The following MED27 variants were observed in gnomAD, a reference collection of about 807,000 sequenced individuals.
MED27 encodes the protein mediator of RNA polymerase II transcription subunit 27.
Under a neutral mutation model 38.2 loss-of-function variants are expected in MED27, and 30 were observed. That is an observed-to-expected ratio of 0.79 (90% CI 0.59 to 1.07). The LOEUF (loss-of-function observed/expected upper bound fraction) is 1.07. Ranked by LOEUF, MED27 falls within the 50% of genes least tolerant of loss-of-function variation. The probability of loss-of-function intolerance (pLI) is 0.00; values close to 1 mark genes in which losing one functional copy is unlikely to be tolerated. For synonymous variants in MED27, 122 were observed against 153.5 expected, an observed-to-expected ratio of 0.79 and a Z score of 1.52; for missense variants, 289 against 397.5, an observed-to-expected ratio of 0.73 and a Z score of 2.32.
At chr9:132,032,404 A>G (rs561924875) in intron 2 of MED27, among the ~76,000 whole-genome samples, 1 of 152,142 alleles carries the variant, frequency 6.6e-6, no homozygotes, top group East Asian at 1.9e-4. Flanking sequence ...TCAAGCCCAC[A>G]CATTTGATTT....
intron 4 of MED27, among the ~76,000 whole-genome samples, chr9:131,918,038 A>G (rs552593874): frequency 6.6e-6 from 1 of 152,346 alleles, no homozygotes; most frequent in East Asian, 1.9e-4. Flanking sequence ...GTAAAATCCA[A>G]TAAAATTCCC....
At chr9:132,057,598 A>T (rs544823434) in intron 2 of MED27, among the ~76,000 whole-genome samples, 1 of 152,284 alleles carries the variant, frequency 6.6e-6, no homozygotes, top group Admixed American at 6.5e-5. Context: ...CTTAAACTTC[A>T]TTTGCTCTAG....
At chr9:131,984,040 C>T (rs1831797286) in intron 3 of MED27, among the ~76,000 whole-genome samples, 1 of 152,102 alleles carries the variant, frequency 6.6e-6, no homozygotes, top group Non-Finnish European at 1.5e-5. Context: ...TGTCTTTACC[C>T]CCTTATGTCA....
At position 131,872,873 on chromosome 9, in the gene MED27, G is replaced by C. The variant is rs1398507056; in HGVS notation, c.724-9733C>G. Among the ~76,000 whole-genome samples the C allele has an allele frequency of 6.6e-6, 1 of 152,220 alleles. No homozygotes were observed. Among genetic ancestry groups the C allele is most frequent in the East Asian group, 1.9e-4 (1 of 5,202 alleles). On this transcript the variant is annotated intron_variant, in intron 6 of 7. Coordinates refer to ENST00000292035, the MANE Select transcript of MED27 (RefSeq NM_004269.4). The surrounding 1 kb of genome is among the most constrained non-coding windows in gnomAD (Gnocchi z 5.6). ...TCCAGGCCAGTTCAAAGAGCTTGAG[G>C]ATTCAGCTTGGAACCAGGGAGGCCA...
At chr9:131,873,465 T>C (rs1160453607) in intron 6 of MED27, among the ~76,000 whole-genome samples, 1 of 152,216 alleles carries the variant, frequency 6.6e-6, no homozygotes, top group Non-Finnish European at 1.5e-5. Context: ...GGGATTTATT[T>C]TTTATTATGC....
chr9:132,044,121 G>C (rs1833280818), intron 2 of MED27, among the ~76,000 whole-genome samples: 1 of 152,120 alleles, frequency 6.6e-6, no homozygotes, highest in Non-Finnish European at 1.5e-5. Context: ...AGGGACAAAG[G>C]GTAGATGGGA....
chr9:131,923,433 G>A (rs1564284782), intron 4 of MED27, among the ~76,000 whole-genome samples: 1 of 152,168 alleles, frequency 6.6e-6, no homozygotes, highest in Non-Finnish European at 1.5e-5. Flanking sequence ...TTAGTTCACA[G>A]TTATTATAAT....
At chr9:132,056,990 A>G (rs369531602) in intron 2 of MED27, among the ~76,000 whole-genome samples, 24 of 152,340 alleles carry the variant, frequency 1.6e-4, no homozygotes, top group South Asian at 1.5e-3. Flanking sequence ...CTCATGAGGA[A>G]GCAGAGACAA....
rs1279627373 is a variant in MED27 at position 132,077,496 on chromosome 9, C to G, written c.294G>C (p.Gln98His). Residue 98 changes from glutamine (Q) to histidine (H), a missense_variant, in exon 2 of 8, where the codon CAG becomes CAC. Gln to His is a conservative substitution (Grantham distance 24). Transcript: ENST00000292035. ...NSGLLSLDPV[Q>H]DKTPLYSQLL... ...GTTGACTATAGAGAGGAGTTTTGTC[C>G]TGCACAGGATCCAGGCTTAACAGCC... The G allele has an allele frequency of 1.9e-6, 3 of 1,614,130 alleles. No homozygotes were observed. The highest frequency in any genetic ancestry group is 2.5e-6 in the Non-Finnish European group (3 of 1,180,008).
At chr9:131,890,773 C>T (rs1221698207) in intron 5 of MED27, among the ~76,000 whole-genome samples, 1 of 152,144 alleles carries the variant, frequency 6.6e-6, no homozygotes, top group Admixed American at 6.5e-5. Flanking sequence ...CTGTGGGCAA[C>T]GTTACCATTC....
chr9:131,974,003 G>A (rs942131373), intron 3 of MED27, among the ~76,000 whole-genome samples: 28 of 151,814 alleles, frequency 1.8e-4, no homozygotes, highest in Non-Finnish European at 1.8e-4. Flanking sequence ...GTGAGCCACC[G>A]TGCCCGGCCT....
At chr9:131,944,413 G>A (rs887722142) in intron 3 of MED27, among the ~76,000 whole-genome samples, 2 of 151,996 alleles carry the variant, frequency 1.3e-5, no homozygotes, top group Non-Finnish European at 2.9e-5. Context: ...CCCTACTTTA[G>A]CCTTTAGAAT....
At chr9:131,905,727 A>C (rs1278637298) in intron 4 of MED27, among the ~76,000 whole-genome samples, 1 of 38,462 alleles carries the variant, frequency 2.6e-5, no homozygotes, top group East Asian at 5.6e-4. Flanking sequence ...AAAAAAAAAA[A>C]CAGAAAAAGA....
At chr9:131,902,945 T>C (rs1829979268) in intron 4 of MED27, among the ~76,000 whole-genome samples, 1 of 152,202 alleles carries the variant, frequency 6.6e-6, no homozygotes, top group African/African-American at 2.4e-5. Context: ...TTCCTGGCTA[T>C]GTGACCTTGA....
At chr9:132,011,291 A>G (rs1167600724) in intron 3 of MED27, among the ~76,000 whole-genome samples, 1 of 152,252 alleles carries the variant, frequency 6.6e-6, no homozygotes, top group East Asian at 1.9e-4. Context: ...GAAAAAGTCT[A>G]GAACAATATC....
At chr9:132,011,483 A>G (rs1440600348) in intron 3 of MED27, among the ~76,000 whole-genome samples, 1 of 152,184 alleles carries the variant, frequency 6.6e-6, no homozygotes, top group Non-Finnish European at 1.5e-5. Context: ...AAACATAATG[A>G]GTGGCACATA....
At chr9:132,041,060 G>A (rs1833199199) in intron 2 of MED27, among the ~76,000 whole-genome samples, 1 of 152,200 alleles carries the variant, frequency 6.6e-6, no homozygotes, top group East Asian at 1.9e-4. Flanking sequence ...ACGGGCAGCA[G>A]AGAAGAAGAG....
intron 3 of MED27, among the ~76,000 whole-genome samples, chr9:131,998,911 CA>C (rs113489590): frequency 2.5e-3 from 341 of 137,302 alleles, no homozygotes; most frequent in Non-Finnish European, 2.2e-3. Flanking sequence ...CCAAGTCCAC[CA>C]AAAAAAAAAA....
At chr9:131,984,554 G>C (rs1230645280) in intron 3 of MED27, among the ~76,000 whole-genome samples, 2 of 152,170 alleles carry the variant, frequency 1.3e-5, no homozygotes, top group Non-Finnish European at 2.9e-5. Context: ...CAGCGGAACA[G>C]AGCGCTACAG....
Sources: allele counts gnomAD v4.1 joint callset (sites outside exome capture counted in the v4.1 genomes callset), GRCh38; gene constraint gnomAD v4.1.1; non-coding constraint Gnocchi (gnomAD v3.1); transcripts MANE v1.5; gene names NCBI Gene and HGNC (gene_info 2026-07-23, HGNC 2026-07-21).